SWT1: variants seen among roughly 807,000 people sequenced by gnomAD.
SWT1 encodes transcriptional protein SWT1.
A neutral mutation model predicts 107.3 loss-of-function variants in SWT1; 33 were observed. The observed-to-expected ratio is 0.31, with a 90% CI of 0.23 to 0.41. The LOEUF (loss-of-function observed/expected upper bound fraction) is 0.41. SWT1 is among the 10% of genes least tolerant of loss of function. The probability of loss-of-function intolerance (pLI) is 1.00; values close to 1 mark genes in which losing one functional copy is unlikely to be tolerated. For synonymous variants in SWT1, 345 were observed against 348.3 expected (o/e 0.99, Z 0.11); for missense variants, 898 against 1,028.9 (o/e 0.87, Z 1.74).
At chr1:185,290,143 G>A (rs967651085) in intron 18 of SWT1, among the ~76,000 whole-genome samples, 3 of 152,034 alleles carry the variant, frequency 2.0e-5, no homozygotes, top group Admixed American at 1.3e-4. Context: ...TAGATGTGGT[G>A]GTGTGTACCA....
At chr1:185,218,123 A>G (rs182309097) in intron 14 of SWT1, among the ~76,000 whole-genome samples, 8 of 152,298 alleles carry the variant, frequency 5.3e-5, no homozygotes, top group African/African-American at 1.7e-4. Flanking sequence ...TATGTCTTAT[A>G]TATTTGGTCA....
chr1:185,254,964 ATTCTGGTATGTTGTGTCTTT>A, intron 16 of SWT1, among the ~76,000 whole-genome samples: 1 of 152,028 alleles, frequency 6.6e-6, no homozygotes, highest in South Asian at 2.1e-4. Context: ...CGTCCCAGAG[ATTCTGGTATGTTGTGTCTTT>A]GTTCTCGTTG....
chr1:185,258,749 G>A (rs1662808623), intron 16 of SWT1, among the ~76,000 whole-genome samples: 1 of 151,844 alleles, frequency 6.6e-6, no homozygotes, highest in African/African-American at 2.4e-5. Flanking sequence ...TTCTCTGTAT[G>A]TTTTGTGTTT....
At chr1:185,199,344 C>A (rs186800383) in intron 10 of SWT1, among the ~76,000 whole-genome samples, 1 of 152,088 alleles carries the variant, frequency 6.6e-6, no homozygotes, top group African/African-American at 2.4e-5. Flanking sequence ...TTCATAGTGT[C>A]GATGGTCTTT....
intron 14 of SWT1, 30 bp from the exon 15 acceptor site, chr1:185,221,819 C>T (rs1571543200): frequency 6.9e-7 from 1 of 1,458,550 alleles, no homozygotes; most frequent in East Asian, 2.4e-5. Flanking sequence ...GAAGAACTAG[C>T]TGCATTTTAT....
intron 9 of SWT1, among the ~76,000 whole-genome samples, chr1:185,188,147 T>A (rs1328108932): frequency 6.6e-6 from 1 of 152,246 alleles, no homozygotes; most frequent in Non-Finnish European, 1.5e-5. Context: ...CAAGGATACA[T>A]AACCAGACTG....
intron 10 of SWT1, among the ~76,000 whole-genome samples, chr1:185,193,699 T>C (rs1412761615): frequency 6.6e-6 from 1 of 152,136 alleles, no homozygotes; most frequent in Non-Finnish European, 1.5e-5. Flanking sequence ...TCTCCTGACC[T>C]CGTGATCCTC....
chr1:185,215,537 AT>A (rs1377176365), intron 14 of SWT1, among the ~76,000 whole-genome samples: 7 of 151,974 alleles, frequency 4.6e-5, no homozygotes, highest in Non-Finnish European at 5.9e-5. Flanking sequence ...TAACTCTCTA[AT>A]TTTTGTACCC....
intron 13 of SWT1, among the ~76,000 whole-genome samples, chr1:185,208,999 C>T (rs537633738): frequency 7.9e-5 from 12 of 152,132 alleles, no homozygotes; most frequent in Non-Finnish European, 1.5e-4. Flanking sequence ...TTTTCAAGAA[C>T]GTCTTATCTG....
At chr1:185,231,790 C>A in intron 16 of SWT1, 82 bp downstream of exon 16, 1 of 1,078,152 alleles carries the variant, frequency 9.3e-7, no homozygotes, top group Non-Finnish European at 1.4e-6. Context: ...TTCAGAGTTG[C>A]TAGGAGTCAC....
intron 16 of SWT1, among the ~76,000 whole-genome samples, chr1:185,246,250 A>T (rs1571605955): frequency 6.6e-6 from 1 of 152,016 alleles, no homozygotes; most frequent in Non-Finnish European, 1.5e-5. Context: ...AGAGGGACAG[A>T]TCTATCCTGA....
chr1:185,206,909 G>A, intron 13 of SWT1, 146 bp downstream of exon 13: 1 of 576,236 alleles, frequency 1.7e-6, no homozygotes, highest in Middle Eastern at 4.9e-4. Context: ...GGTATTTGTG[G>A]AAACTGGATG....
intron 3 of SWT1, 33 bp downstream of exon 3, chr1:185,166,685 T>C (rs1159960544): frequency 2.2e-6 from 3 of 1,340,966 alleles, no homozygotes; most frequent in South Asian, 1.3e-5. Flanking sequence ...CTAAAAGTTA[T>C]TTATGCTAAA....
At position 185,252,794 on chromosome 1, in the gene SWT1, C is replaced by T. The variant is rs568463582; in HGVS notation, c.2442-18529C>T. On this transcript the variant is annotated intron_variant, in intron 16 of 18. Transcript: ENST00000367500. ...AGAAGCTCTTGAGTTTAATTAGATCCCATTTGTCAATTTTGGCTTTTGTTG... is the reference window on the plus strand; with the variant it reads ...AGAAGCTCTTGAGTTTAATTAGATCTCATTTGTCAATTTTGGCTTTTGTTG... 1.4e-3 allele frequency among the ~76,000 whole-genome samples: 219 copies of T among 152,056 alleles called. No homozygotes were observed. In the South Asian group the frequency reaches 0.022, roughly 15 times the overall value.
intron 17 of SWT1, among the ~76,000 whole-genome samples, chr1:185,273,470 A>G (rs1218562479): frequency 6.6e-6 from 1 of 152,030 alleles, no homozygotes. Context: ...TGGGAGGCTG[A>G]GGCAGGCGGA....
intron 9 of SWT1, among the ~76,000 whole-genome samples, chr1:185,188,772 A>G (rs1374880150): frequency 6.6e-6 from 1 of 152,196 alleles, no homozygotes; most frequent in Non-Finnish European, 1.5e-5. Context: ...GTATGTCTTA[A>G]ATTTTAATGT....
At chr1:185,195,603 C>T (rs1657319778) in intron 10 of SWT1, among the ~76,000 whole-genome samples, 1 of 152,158 alleles carries the variant, frequency 6.6e-6, no homozygotes, top group Admixed American at 6.5e-5. Flanking sequence ...AACTAATTTA[C>T]ACTCCCACCA....
chr1:185,168,974 G>A (rs980759987), intron 4 of SWT1, among the ~76,000 whole-genome samples: 9 of 152,092 alleles, frequency 5.9e-5, no homozygotes, highest in Admixed American at 2.6e-4. Context: ...AAGTTATAAC[G>A]TGTGATAAAA....
intron 18 of SWT1, among the ~76,000 whole-genome samples, chr1:185,287,986 A>G (rs1571721572): frequency 6.6e-6 from 1 of 152,196 alleles, no homozygotes; most frequent in Admixed American, 6.5e-5. Flanking sequence ...ATAGATTCAA[A>G]AGTCTAGTTA....
Sources: gnomAD v4.1 joint callset for allele counts (sites outside exome capture counted in the v4.1 genomes callset) on GRCh38, gnomAD v4.1.1 for gene constraint, MANE v1.5 for transcripts, NCBI Gene and HGNC (gene_info 2026-07-23, HGNC 2026-07-21) for gene names.